KCNIP1: variants seen among roughly 807,000 people sequenced by gnomAD.
KCNIP1 encodes the protein A-type potassium channel modulatory protein KCNIP1.
Under a neutral mutation model 33.0 loss-of-function variants are expected in KCNIP1, and 18 were observed. The observed-to-expected ratio is 0.55, with a 90% CI of 0.38 to 0.81. The LOEUF is 0.81. Ranked by LOEUF, KCNIP1 falls within the 30% of genes least tolerant of loss-of-function variation. KCNIP1 has a pLI of 0.00. For missense variants in KCNIP1, 238 were observed against 271.6 expected, an observed-to-expected ratio of 0.88 and a Z score of 0.87; for synonymous variants, 93 against 98.3, an observed-to-expected ratio of 0.95 and a Z score of 0.32.
chr5:170,435,422 C>T (rs1342452077), intron 1 of KCNIP1, among the ~76,000 whole-genome samples: 1 of 152,224 alleles, frequency 6.6e-6, no homozygotes, highest in African/African-American at 2.4e-5. Context: ...AGGGCCCCAG[C>T]GCCTGTAGGT....
chr5:170,414,935 A>G (rs2113414022), intron 1 of KCNIP1, among the ~76,000 whole-genome samples: 1 of 152,332 alleles, frequency 6.6e-6, no homozygotes, highest in South Asian at 2.1e-4. Context: ...AGATTCTTCC[A>G]GGTGTTGGGA....
chr5:170,641,820 C>T (rs1242583932), intron 1 of KCNIP1, among the ~76,000 whole-genome samples: 1 of 152,238 alleles, frequency 6.6e-6, no homozygotes, highest in Admixed American at 6.5e-5. Context: ...CTGAGACCTA[C>T]TGGCATGGGA....
At chr5:170,525,207 TGCA>T (rs1254324867) in intron 1 of KCNIP1, among the ~76,000 whole-genome samples, 5 of 152,244 alleles carry the variant, frequency 3.3e-5, no homozygotes, top group African/African-American at 1.2e-4. Context: ...ACCTTGTCTC[TGCA>T]GGCCTCTAGC....
chr5:170,484,880 C>G (rs1368100825), intron 1 of KCNIP1, among the ~76,000 whole-genome samples: 1 of 151,910 alleles, frequency 6.6e-6, no homozygotes, highest in Non-Finnish European at 1.5e-5. Flanking sequence ...CACCCTCCCT[C>G]TCTGTAGCCA....
chr5:170,624,729 AG>A (rs1554105623), intron 1 of KCNIP1, among the ~76,000 whole-genome samples: 7 of 44,914 alleles, frequency 1.6e-4, no homozygotes. Context: ...GAGACCGGGG[AG>A]GTGGGGGGGG....
chr5:170,608,140 A>G (rs1047455450), intron 1 of KCNIP1, among the ~76,000 whole-genome samples: 3 of 152,064 alleles, frequency 2.0e-5, no homozygotes, highest in Non-Finnish European at 4.4e-5. Context: ...CCAGCCCCCC[A>G]TTATCTGTCT....
chr5:170,568,648 TAAAAAAAA>T (rs33992187), intron 1 of KCNIP1, among the ~76,000 whole-genome samples: 2,169 of 43,754 alleles, frequency 0.05, 134 homozygotes, highest in African/African-American at 0.13. Context: ...CCGTTTCTAC[TAAAAAAAA>T]AAAAAAAAAA....
chr5:170,591,517 C>T (rs866547140), intron 1 of KCNIP1, among the ~76,000 whole-genome samples: 3 of 152,152 alleles, frequency 2.0e-5, no homozygotes, highest in African/African-American at 4.8e-5. Flanking sequence ...AGTACCTTCA[C>T]GTTGTTGGAC....
chr5:170,631,115 G>T (rs1377449263), intron 1 of KCNIP1, among the ~76,000 whole-genome samples: 1 of 152,100 alleles, frequency 6.6e-6, no homozygotes, highest in Non-Finnish European at 1.5e-5. Flanking sequence ...CTATGAATGG[G>T]GACAATCACT....
intron 1 of KCNIP1, among the ~76,000 whole-genome samples, chr5:170,635,986 G>A (rs186330813): frequency 7.6e-4 from 116 of 152,328 alleles, no homozygotes; most frequent in Admixed American, 1.4e-3. Context: ...CAGTGGGCTG[G>A]GTATGGGCAT....
intron 3 of KCNIP1, 66 bp from the exon 4 acceptor site, chr5:170,721,767 G>T: frequency 6.2e-7 from 1 of 1,614,128 alleles, no homozygotes; most frequent in Non-Finnish European, 8.5e-7. Flanking sequence ...GCCCTGCCTT[G>T]TTTGGAAGGT....
At chr5:170,549,548 C>G (rs531215958) in intron 1 of KCNIP1, among the ~76,000 whole-genome samples, 3 of 152,294 alleles carry the variant, frequency 2.0e-5, no homozygotes, top group South Asian at 4.1e-4. Flanking sequence ...TTAAGGAAAT[C>G]TGGGATGATG....
chr5:170,714,488 G>A (rs1319274455), intron 1 of KCNIP1, among the ~76,000 whole-genome samples: 1 of 152,176 alleles, frequency 6.6e-6, no homozygotes, highest in Non-Finnish European at 1.5e-5. Flanking sequence ...AACAGATACA[G>A]AAACCCACTG....
intron 1 of KCNIP1, among the ~76,000 whole-genome samples, chr5:170,432,494 C>A (rs17672578): frequency 1.3e-5 from 2 of 152,090 alleles, no homozygotes; most frequent in Admixed American, 6.6e-5. Context: ...CTTGAGGGTT[C>A]GGTAGAATAT....
chr5:170,436,900 T>C (rs1293454033), intron 1 of KCNIP1, among the ~76,000 whole-genome samples: 1 of 152,190 alleles, frequency 6.6e-6, no homozygotes, highest in Non-Finnish European at 1.5e-5. Context: ...TCTTTCCTCA[T>C]CCATCACTAG....
intron 1 of KCNIP1, among the ~76,000 whole-genome samples, chr5:170,371,279 C>A (rs1033023188): frequency 6.6e-6 from 1 of 152,106 alleles, no homozygotes; most frequent in Admixed American, 6.6e-5. Flanking sequence ...CACAGCAGAA[C>A]CTTTGTGGGA....
chr5:170,735,634 T>G, intron 7 of KCNIP1, 125 bp from the exon 8 acceptor site: 1 of 781,774 alleles, frequency 1.3e-6, no homozygotes, highest in Non-Finnish European at 2.2e-6. Flanking sequence ...TACTTCTTGT[T>G]TTTCATACCC....
At chr5:170,419,176 T>G (rs540921585) in intron 1 of KCNIP1, among the ~76,000 whole-genome samples, 1 of 152,210 alleles carries the variant, frequency 6.6e-6, no homozygotes, top group African/African-American at 2.4e-5. Context: ...TGTCCAGTGC[T>G]GACCTCTGAA....
intron 1 of KCNIP1, among the ~76,000 whole-genome samples, chr5:170,517,556 T>A (rs1478525198): frequency 7.4e-6 from 1 of 135,914 alleles, no homozygotes; most frequent in Admixed American, 7.4e-5. Context: ...TGATGTTGAT[T>A]ATAAGGGTGG....
Sources: gnomAD v4.1 joint callset for allele counts (sites outside exome capture counted in the v4.1 genomes callset) on GRCh38, gnomAD v4.1.1 for gene constraint, MANE v1.5 for transcripts, NCBI Gene and HGNC (gene_info 2026-07-23, HGNC 2026-07-21) for gene names.